Variants in HIC1 observed in about 807,000 individuals in gnomAD.
HIC1 encodes the protein HIC ZBTB transcriptional repressor 1, also known as hypermethylated in cancer 1 protein.
In HIC1, 9 loss-of-function variants were observed where a neutral mutation model predicts 26.4. The observed-to-expected ratio is 0.34, with a 90% CI of 0.21 to 0.59. The LOEUF (loss-of-function observed/expected upper bound fraction) is 0.59, where lower values mean the gene tolerates loss of function less well. Among genes scored for constraint, HIC1 ranks in the 20% least tolerant of loss-of-function variants. HIC1 has a pLI of 0.82. For missense variants in HIC1, 965 were observed against 1,075.7 expected (o/e 0.90, Z 1.44); for synonymous variants, 631 against 523.1 (o/e 1.21, Z -2.81).
rs1282132250 is a variant in HIC1 at position 2,058,679 on chromosome 17, C to T, written c.1989C>T (p.His663=). 7 of 1,556,810 alleles carry T rather than the reference C, an allele frequency of 4.5e-6. No homozygotes were observed. The East Asian group carries it at 7.3e-5, about 16-fold the overall frequency. The part of the protein sequence containing the change: ...ELLAQTTHFL[H]DPKVALESLY... ...TGGCGCAGACCACGCACTTCCTGCA[C>T]GACCCCAAGGTGGCGCTGGAGAGCC... Residue 663 remains histidine, a synonymous_variant, in exon 2 of 2, where the codon CAC becomes CAT. Transcript: ENST00000619757.
At position 2,062,465 on chromosome 17, in the gene HIC1, A is replaced by G. The variant is rs1299684141; in HGVS notation, c.*3630A>G. ...GAGTATATACTTAAAAGGTCTTGCT[A>G]TAGTGGCACAGATATCTTTCATTCT... On this transcript the variant is annotated 3_prime_UTR_variant, in exon 2 of 2. Coordinates refer to ENST00000619757, the MANE Select transcript of HIC1 (RefSeq NM_006497.4). 1 of 151,926 alleles carries G rather than the reference A, an allele frequency of 6.6e-6. No individual in the cohort carries two copies. Among genetic ancestry groups the G allele is most frequent in the Non-Finnish European group, 1.5e-5 (1 of 67,968 alleles). The allele number at this position is 151,926 out of a possible 1,614,324, so 9.4% of individuals were successfully genotyped here.
At position 2,057,305 on chromosome 17, in the gene HIC1, C is replaced by T. The variant is rs1488775143; in HGVS notation, c.615C>T (p.Gly205=). ...HCAELYASGP[G]PAAALCASER... is the part of the protein sequence containing the mutation. ...CCGAGCTGTACGCGTCGGGACCCGG[C>T]CCGGCCGCCGCACTCTGTGCCTCGG... The change falls in exon 2 of 2, where the codon GGC becomes GGT. Residue 205 remains glycine, a synonymous_variant. Coordinates refer to ENST00000619757, the MANE Select transcript of HIC1 (RefSeq NM_006497.4). 3 of 1,498,032 alleles carry T rather than the reference C, an allele frequency of 2.0e-6. No individual in the cohort carries two copies. The highest frequency in any genetic ancestry group is 2.6e-6 in the Non-Finnish European group (3 of 1,132,264). 92.8% of individuals were successfully genotyped at this position (1,498,032 alleles called of 1,614,324 possible).
Position 2,057,751 on chromosome 17 carries a change from G to A in HIC1, c.1061G>A (p.Gly354Asp), listed in dbSNP as rs1176257409. 1.4e-6 allele frequency: 2 copies of A among 1,408,190 alleles called. No individual in the cohort carries two copies. Among genetic ancestry groups the A allele is most frequent in the African/African-American group, 1.5e-5 (1 of 65,718 alleles). The allele number at this position is 1,408,190 out of a possible 1,614,324, so 87.2% of individuals were successfully genotyped here. The stretch of plus-strand genomic sequence containing the variant: ...GTCTCGCCCGGGGGGCCCCCGCTCG[G>A]CCTGGCGCCGCCGCCGCGCTACCCT... Reference protein sequence around the residue: ...AAVSPGGPPLGLAPPPRYPGS... With the variant: ...AAVSPGGPPLDLAPPPRYPGS... Residue 354 changes from glycine to aspartate, a missense_variant, in exon 2 of 2, where the codon GGC becomes GAC. Physicochemically the swap from Gly to Asp is moderately conservative, Grantham distance 94. Coordinates refer to ENST00000619757, the MANE Select transcript of HIC1 (RefSeq NM_006497.4).
In HIC1 at chr17:2,057,386, C is replaced by A; in HGVS notation, c.696C>A (p.Gly232=). ...ACCTGTCCAAGAAGAGCCCGCCGGGCTCCGCGGCGCCAGAGCGGCCGCTGG... is the reference window on the plus strand; with the variant it reads ...ACCTGTCCAAGAAGAGCCCGCCGGGATCCGCGGCGCCAGAGCGGCCGCTGG... ...GLDLSKKSPP[G]SAAPERPLAE... is the part of the protein sequence containing the mutation. The change falls in exon 2 of 2, where the codon GGC becomes GGA. Residue 232 remains glycine, a synonymous_variant. Coordinates refer to ENST00000619757, the MANE Select transcript of HIC1 (RefSeq NM_006497.4). 6.9e-7 allele frequency: 1 copy of A among 1,443,668 alleles called. No homozygotes were observed. The highest frequency in any genetic ancestry group is 9.0e-7 in the Non-Finnish European group (1 of 1,105,042). The allele number at this position is 1,443,668 out of a possible 1,614,324, so 89.4% of individuals were successfully genotyped here.
Position 2,061,224 on chromosome 17 carries a change from C to T in HIC1, c.*2389C>T, listed in dbSNP as rs2067765281. On this transcript the variant is annotated 3_prime_UTR_variant, in exon 2 of 2. Transcript: ENST00000619757. ...CTGAGAGCATGGGCGGCCTATCTGG[C>T]TTGCCCAGCTGCTGTTGCTGTAGCC... 3 of 406,196 alleles carry T rather than the reference C, an allele frequency of 7.4e-6. No homozygotes were observed. The East Asian group carries it at 1.5e-4, about 20-fold the overall frequency. 25.2% of individuals were successfully genotyped at this position (406,196 alleles called of 1,614,324 possible). A position where few individuals can be genotyped will look rare whatever the true frequency, so the allele number is the denominator to read the frequency against.
rs1222990718 is a variant in HIC1, at chr17:2,058,673, C to T, written c.1983C>T (p.Phe661=). The T allele has an allele frequency of 2.6e-6, 4 of 1,559,024 alleles. No homozygotes were observed. Residue 661 remains phenylalanine, a synonymous_variant, in exon 2 of 2, where the codon TTC becomes TTT. Coordinates refer to ENST00000619757, the MANE Select transcript of HIC1 (RefSeq NM_006497.4). ...AAELLAQTTH[F]LHDPKVALES... Reference sequence around the variant, plus strand: ...AGCTGCTGGCGCAGACCACGCACTTCCTGCACGACCCCAAGGTGGCGCTGG... The same window carrying T: ...AGCTGCTGGCGCAGACCACGCACTTTCTGCACGACCCCAAGGTGGCGCTGG...
chr17:2,056,394 G>C (rs1171307505), intron 1 of HIC1: 2 of 1,588,750 alleles, frequency 1.3e-6, no homozygotes, highest in Admixed American at 3.3e-5. Flanking sequence ...TTTCTTCTCG[G>C]AAGCCCCAGC....
chr17:2,058,053 G>A lies in HIC1; in HGVS notation c.1363G>A (p.Glu455Lys). Residue 455 changes from glutamate to lysine, a missense_variant, in exon 2 of 2, where the codon GAA becomes AAA. Physicochemically the swap from Glu to Lys is moderately conservative, Grantham distance 56. Transcript: ENST00000619757. ...EALYGRAEAA[E>K]VAAGAAGLGP... Reference sequence around the variant, plus strand: ...GCTGTACGGCAGGGCCGAGGCGGCCGAAGTGGCCGCTGGGGCCGCCGGCCT... The same window carrying A: ...GCTGTACGGCAGGGCCGAGGCGGCCAAAGTGGCCGCTGGGGCCGCCGGCCT... 2 of 1,583,608 alleles carry A rather than the reference G, an allele frequency of 1.3e-6. No homozygotes were observed. Among genetic ancestry groups the A allele is most frequent in the Non-Finnish European group, 1.7e-6 (2 of 1,167,000 alleles).
In HIC1 at chr17:2,058,012, T is replaced by C. The variant is rs2067690732; in HGVS notation, c.1322T>C (p.Val441Ala). 1 of 1,602,800 alleles carries C rather than the reference T, an allele frequency of 6.2e-7. No individual in the cohort carries two copies. Among genetic ancestry groups the C allele is most frequent in the Non-Finnish European group, 8.5e-7 (1 of 1,175,380 alleles). The change falls in exon 2 of 2, where the codon GTG (valine) becomes GCG (alanine). Residue 441 changes from valine (V) to alanine (A), a missense_variant. Val to Ala is a moderately conservative substitution (Grantham distance 64, BLOSUM62 0). Around this residue, in one of 6 missense-constraint regions of HIC1, gnomAD observed 105 missense variants for 101.4 expected, o/e 1.04. Transcript: ENST00000619757. Reference protein sequence around the residue: ...EQLNAHVEAHVEEEEALYGRA... With the variant: ...EQLNAHVEAHAEEEEALYGRA... ...CTGAACGCGCACGTGGAGGCTCACG[T>C]GGAGGAGGAGGAAGCGCTGTACGGC... is the stretch of plus-strand genomic sequence containing the variant.
Position 2,058,600 on chromosome 17 carries a change from C to T in HIC1, c.1910C>T (p.Thr637Met). Reference protein sequence around the residue: ...PEGVFAVARLTAEQLSLKQQD... With the variant: ...PEGVFAVARLMAEQLSLKQQD... The stretch of plus-strand genomic sequence containing the variant: ...GGCGTCTTTGCTGTGGCTCGCCTCA[C>T]GGCCGAGCAGCTGAGCCTGAAGCAG... Residue 637 changes from threonine to methionine, a missense_variant, in exon 2 of 2, where the codon ACG (threonine) becomes ATG (methionine). By Grantham distance (81) the Thr-to-Met change is moderately conservative. Transcript: ENST00000619757. 1 of 1,552,276 alleles carries T rather than the reference C, an allele frequency of 6.4e-7. No homozygotes were observed. The highest frequency in any genetic ancestry group is 8.6e-7 in the Non-Finnish European group (1 of 1,157,452).
At position 2,057,774 on chromosome 17, in the gene HIC1, C is replaced by G. The variant is rs1035274741; in HGVS notation, c.1084C>G (p.Pro362Ala). Residue 362 changes from proline to alanine, a missense_variant, in exon 2 of 2, where the codon CCT (proline) becomes GCT (alanine). This residue lies in a region of HIC1 where 526 missense variants were observed against 525.0 expected (regional missense o/e 1.00). Transcript: ENST00000619757. ...CGGCCTGGCGCCGCCGCCGCGCTAC[C>G]CTGGCAGCCTGGACGGGCCCGGCGC... ...PLGLAPPPRY[P>A]GSLDGPGAGG... is the part of the protein sequence containing the mutation. The G allele has an allele frequency of 9.4e-6, 14 of 1,496,674 alleles. No homozygotes were observed. The highest frequency in any genetic ancestry group is 1.2e-5 in the Non-Finnish European group (14 of 1,129,554). The allele number at this position is 1,496,674 out of a possible 1,614,324, so 92.7% of individuals were successfully genotyped here.
chr17:2,058,056 G>A lies in HIC1; in HGVS notation c.1366G>A (p.Val456Met), dbSNP rs769101192. 3.8e-6 allele frequency: 6 copies of A among 1,582,940 alleles called. No individual in the cohort carries two copies. The East Asian group carries it at 9.2e-5, about 24-fold the overall frequency. The change falls in exon 2 of 2, where the codon GTG (valine) becomes ATG (methionine). Residue 456 changes from valine (V) to methionine (M), a missense_variant. Coordinates refer to ENST00000619757, the MANE Select transcript of HIC1 (RefSeq NM_006497.4). ...ALYGRAEAAE[V>M]AAGAAGLGPP... ...GTACGGCAGGGCCGAGGCGGCCGAA[G>A]TGGCCGCTGGGGCCGCCGGCCTAGG...
chr17:2,058,517 G>C lies in HIC1; in HGVS notation c.1827G>C (p.Leu609Phe). 1 of 1,496,378 alleles carries C rather than the reference G, an allele frequency of 6.7e-7. No individual in the cohort carries two copies. Among genetic ancestry groups the C allele is most frequent in the Non-Finnish European group, 8.9e-7 (1 of 1,128,654 alleles). The allele number at this position is 1,496,378 out of a possible 1,614,324, so 92.7% of individuals were successfully genotyped here. Residue 609 changes from leucine (L) to phenylalanine (F), a missense_variant, in exon 2 of 2, where the codon TTG becomes TTC. Coordinates refer to ENST00000619757, the MANE Select transcript of HIC1 (RefSeq NM_006497.4). ...AAGAAGALAGLGGLPGVPGPD... is the reference protein window; with the variant it reads ...AAGAAGALAGFGGLPGVPGPD... ...GCGCGGCCGGGGCGCTGGCGGGCTT[G>C]GGGGGGCTCCCCGGCGTCCCCGGCC...
intron 1 of HIC1, 149 bp from the exon 2 acceptor site, chr17:2,056,522 G>A (rs971116622): frequency 3.0e-6 from 4 of 1,354,238 alleles, no homozygotes; most frequent in South Asian, 1.3e-5. Flanking sequence ...CACTCCAGAG[G>A]GCAGCCGGTC....
Position 2,058,969 on chromosome 17 carries a change from C to G in HIC1, c.*134C>G, listed in dbSNP as rs971003714. On this transcript the variant is annotated 3_prime_UTR_variant, in exon 2 of 2. Coordinates refer to ENST00000619757, the MANE Select transcript of HIC1 (RefSeq NM_006497.4). ...TCGCCACAGTGGCGGCTCCACCTCT[C>G]GGCGGCCTCACCTGGCCTCACTGCT... is the stretch of plus-strand genomic sequence containing the variant. The G allele has an allele frequency of 1.2e-6, 1 of 824,922 alleles. No individual in the cohort carries two copies. The highest frequency in any genetic ancestry group is 1.7e-6 in the Non-Finnish European group (1 of 572,034). 51.1% of individuals were successfully genotyped at this position (824,922 alleles called of 1,614,324 possible). A position where few individuals can be genotyped will look rare whatever the true frequency, so the allele number is the denominator to read the frequency against.
chr17:2,056,623 G>A, intron 1 of HIC1, 48 bp from the exon 2 acceptor site: 7 of 1,474,706 alleles, frequency 4.7e-6, no homozygotes, highest in East Asian at 2.5e-5. Flanking sequence ...GGGGCCAGGC[G>A]GCCAGGGCGC....
Position 2,059,952 on chromosome 17 carries a change from G to A in HIC1, c.*1117G>A, listed in dbSNP as rs958473040. 1.3e-5 allele frequency: 2 copies of A among 152,640 alleles called. No individual in the cohort carries two copies. Among genetic ancestry groups the A allele is most frequent in the Non-Finnish European group, 2.9e-5 (2 of 68,064 alleles). 9.5% of individuals were successfully genotyped at this position (152,640 alleles called of 1,614,324 possible). ...CCACCCAGTCATCGGCCTTCCAGCTGGGGAGAGAATCTTAAAGGAGAGGCC... is the reference window on the plus strand; with the variant it reads ...CCACCCAGTCATCGGCCTTCCAGCTAGGGAGAGAATCTTAAAGGAGAGGCC... On this transcript the variant is annotated 3_prime_UTR_variant, in exon 2 of 2. Transcript: ENST00000619757.
rs2067765945 is a variant in HIC1, at chr17:2,061,273, G to A, written c.*2438G>A. The stretch of plus-strand genomic sequence containing the variant: ...CCAGCCACCTCCCTGCTAAATCCTG[G>A]CAGCCCAGGAGGGTCCCAGCAGCTT... On this transcript the variant is annotated 3_prime_UTR_variant, in exon 2 of 2. Transcript: ENST00000619757. 2 of 484,200 alleles carry A rather than the reference G, an allele frequency of 4.1e-6. No individual in the cohort carries two copies. Among genetic ancestry groups the A allele is most frequent in the Admixed American group, 3.5e-5 (1 of 28,196 alleles). The allele number at this position is 484,200 out of a possible 1,614,324, so 30.0% of individuals were successfully genotyped here. A position where few individuals can be genotyped will look rare whatever the true frequency, so the allele number is the denominator to read the frequency against.
In HIC1 at chr17:2,061,829, C is replaced by T; in HGVS notation, c.*2994C>T. On this transcript the variant is annotated 3_prime_UTR_variant, in exon 2 of 2. Coordinates refer to ENST00000619757, the MANE Select transcript of HIC1 (RefSeq NM_006497.4). ...AGAGAGGGCTGCACTGGGCTTCTGC[C>T]TTGACTCCGGCCTCCCATACAGGAC... 2 of 563,962 alleles carry T rather than the reference C, an allele frequency of 3.5e-6. No homozygotes were observed. The highest frequency in any genetic ancestry group is 4.0e-5 in the South Asian group (2 of 50,108). 34.9% of individuals were successfully genotyped at this position (563,962 alleles called of 1,614,324 possible).
Sources: allele counts gnomAD v4.1 joint callset, GRCh38; gene constraint gnomAD v4.1.1; regional missense constraint gnomAD v4.1.1; transcripts MANE v1.5; gene names NCBI Gene and HGNC (gene_info 2026-07-23, HGNC 2026-07-21).